The following CLASP1 variants were observed in gnomAD, a reference collection of about 807,000 sequenced individuals.
CLASP1 encodes CLIP-associating protein 1.
Under a neutral mutation model 192.3 loss-of-function variants are expected in CLASP1, and 38 were observed. That is an observed-to-expected ratio of 0.20 (90% CI 0.15 to 0.26). The LOEUF is 0.26. CLASP1 is among the 10% of genes least tolerant of loss of function. The probability of loss-of-function intolerance (pLI) is 1.00; values close to 1 mark genes in which losing one functional copy is unlikely to be tolerated. For synonymous variants in CLASP1, 691 were observed against 712.8 expected, an observed-to-expected ratio of 0.97 and a Z score of 0.49; for missense variants, 1,433 against 1,932.5, an observed-to-expected ratio of 0.74 and a Z score of 4.85.
At chr2:121,544,378 T>C (rs2095289991) in intron 2 of CLASP1, among the ~76,000 whole-genome samples, 1 of 151,288 alleles carries the variant, frequency 6.6e-6, no homozygotes, top group Non-Finnish European at 1.5e-5. Flanking sequence ...CATGCCAGGG[T>C]TAAATCCTGA....
At chr2:121,575,288 G>A (rs1391397561) in intron 2 of CLASP1, among the ~76,000 whole-genome samples, 3 of 151,622 alleles carry the variant, frequency 2.0e-5, no homozygotes, top group Non-Finnish European at 2.9e-5. Context: ...TTTTTTTTTA[G>A]TAGAGACAGG....
intron 24 of CLASP1, among the ~76,000 whole-genome samples, chr2:121,408,280 A>C (rs1022408415): frequency 7.9e-5 from 12 of 152,184 alleles, no homozygotes; most frequent in Non-Finnish European, 1.5e-4. Flanking sequence ...TCAATGGCAG[A>C]AGCAGCCCAC....
intron 32 of CLASP1, among the ~76,000 whole-genome samples, chr2:121,384,926 G>A (rs1253464421): frequency 6.6e-6 from 1 of 151,920 alleles, no homozygotes; most frequent in Non-Finnish European, 1.5e-5. Flanking sequence ...ACAAATAATT[G>A]GTAATAGCTT....
rs1384034725 is a variant in CLASP1, at chr2:121,503,253, TAAAC to T, written c.645-23_645-20del. 7.3e-7 allele frequency: 1 copy of T among 1,377,652 alleles called. No individual in the cohort carries two copies. Among genetic ancestry groups the T allele is most frequent in the East Asian group, 2.5e-5 (1 of 40,120 alleles). The allele number at this position is 1,377,652 out of a possible 1,614,324, so 85.3% of individuals were successfully genotyped here. ...ATTCAACCTGTATGAAAGAAAAATG[TAAAC>T]AAACTATTAACCATCACTGCTCATA... is the stretch of plus-strand genomic sequence containing the variant. On this transcript the variant is annotated intron_variant, in intron 7 of 39. Coordinates refer to ENST00000263710, the Ensembl canonical transcript of CLASP1.
chr2:121,401,785 G>C (rs1037136268), intron 27 of CLASP1, 83 bp downstream of exon 28: 3 of 848,074 alleles, frequency 3.5e-6, no homozygotes, highest in African/African-American at 1.7e-5. Context: ...TGTAACTTAG[G>C]TTAACACTGT....
intron 2 of CLASP1, among the ~76,000 whole-genome samples, chr2:121,603,843 A>C (rs908705482): frequency 6.6e-6 from 1 of 152,232 alleles, no homozygotes; most frequent in African/African-American, 2.4e-5. Context: ...ACATGTTCTC[A>C]CTCATATGTG....
intron 2 of CLASP1, among the ~76,000 whole-genome samples, chr2:121,534,698 T>C (rs920676466): frequency 2.6e-5 from 4 of 152,096 alleles, no homozygotes; most frequent in Admixed American, 2.6e-4. Flanking sequence ...CAGCTAATTT[T>C]TGTATTTTTA....
At chr2:121,460,188 A>G in intron 11 of CLASP1, 63 bp from the exon 12 acceptor site, 1 of 1,315,780 alleles carries the variant, frequency 7.6e-7, no homozygotes, top group Non-Finnish European at 1.0e-6. Context: ...ATACACAACA[A>G]AAGAAGTCAT....
intron 1 of CLASP1, among the ~76,000 whole-genome samples, chr2:121,634,419 T>A (rs2070411433): frequency 6.6e-6 from 1 of 152,178 alleles, no homozygotes; most frequent in Admixed American, 6.5e-5. Context: ...TAATGCCTTG[T>A]GTACACCCTT....
In CLASP1 at chr2:121,531,039, C is replaced by T. The variant is rs72969389; in HGVS notation, c.196-714G>A. On this transcript the variant is annotated intron_variant, in intron 2 of 39. Transcript: ENST00000263710. ...ACCTGTTTTCATAGACTTATCAGTT[C>T]AAACAGCAGTAATTCGTAAATAAAC... The T allele has an allele frequency of 0.045, 31,711 of 699,042 alleles. 931 individuals carry two copies. The highest frequency in any genetic ancestry group is 0.12 in the East Asian group (4,435 of 37,260). The allele number at this position is 699,042 out of a possible 1,614,324, so 43.3% of individuals were successfully genotyped here. A position where few individuals can be genotyped will look rare whatever the true frequency, so the allele number is the denominator to read the frequency against.
At chr2:121,473,509 C>T (rs1361631578) in intron 8 of CLASP1, among the ~76,000 whole-genome samples, 1 of 152,114 alleles carries the variant, frequency 6.6e-6, no homozygotes, top group Admixed American at 6.5e-5. Flanking sequence ...GTCTAACACA[C>T]ACAACACTGC....
intron 16 of CLASP1, among the ~76,000 whole-genome samples, chr2:121,450,692 C>T (rs560122811): frequency 9.2e-5 from 14 of 152,196 alleles, no homozygotes; most frequent in East Asian, 5.8e-4. Flanking sequence ...ATGTAAAAAA[C>T]GAGCATTCTT....
chr2:121,495,627 C>T (rs911592871), intron 8 of CLASP1, among the ~76,000 whole-genome samples: 4 of 152,170 alleles, frequency 2.6e-5, no homozygotes, highest in African/African-American at 9.7e-5. Context: ...TGCCATTGCA[C>T]TCCAGCCTGG....
intron 8 of CLASP1, among the ~76,000 whole-genome samples, chr2:121,478,939 C>CCA (rs2092268696): frequency 2.8e-5 from 1 of 36,130 alleles, no homozygotes; most frequent in African/African-American, 1.1e-4. Flanking sequence ...ACAACACCCC[C>CCA]CACACACACA....
intron 18 of CLASP1, 96 bp from the exon 19 acceptor site, chr2:121,447,603 A>G: frequency 9.5e-7 from 1 of 1,056,540 alleles, no homozygotes; most frequent in South Asian, 1.7e-5. Flanking sequence ...CTGAAAACAA[A>G]TACCAAGTTT....
chr2:121,361,812 A>G (rs555730099), intron 37 of CLASP1, among the ~76,000 whole-genome samples: 1 of 152,330 alleles, frequency 6.6e-6, no homozygotes, highest in African/African-American at 2.4e-5. Flanking sequence ...CTTTGTTCAA[A>G]TGTGAGTTAT....
chr2:121,446,655 T>G (rs1019175665), intron 19 of CLASP1, among the ~76,000 whole-genome samples: 2 of 152,228 alleles, frequency 1.3e-5, no homozygotes, highest in African/African-American at 4.8e-5. Flanking sequence ...CAGTACGTGT[T>G]AAGCAACTGC....
chr2:121,636,429 C>T (rs1253192969), intron 1 of CLASP1, among the ~76,000 whole-genome samples: 4 of 150,596 alleles, frequency 2.7e-5, no homozygotes, highest in East Asian at 3.9e-4. Flanking sequence ...TTTGGGAGGC[C>T]GAGGCGGGTG....
At chr2:121,480,255 T>C (rs1292799222) in intron 8 of CLASP1, among the ~76,000 whole-genome samples, 2 of 152,116 alleles carry the variant, frequency 1.3e-5, no homozygotes, top group Non-Finnish European at 2.9e-5. Context: ...GAGAGGTAAA[T>C]GAACTGTGAG....
Sources: gnomAD v4.1 joint callset for allele counts (sites outside exome capture counted in the v4.1 genomes callset) on GRCh38, gnomAD v4.1.1 for gene constraint, MANE v1.5 for transcripts, NCBI Gene and HGNC (gene_info 2026-07-23, HGNC 2026-07-21) for gene names.